The following RPS6KA5 variants were observed in gnomAD, a reference collection of about 807,000 sequenced individuals.
RPS6KA5 encodes ribosomal protein S6 kinase alpha-5.
Under a neutral mutation model 85.5 loss-of-function variants are expected in RPS6KA5, and 27 were observed. The observed-to-expected ratio is 0.32, with a 90% CI of 0.23 to 0.44. The LOEUF (loss-of-function observed/expected upper bound fraction) is 0.44, where lower values mean the gene tolerates loss of function less well. Among genes scored for constraint, RPS6KA5 ranks in the 20% least tolerant of loss-of-function variants. RPS6KA5 has a pLI of 1.00. For synonymous variants in RPS6KA5, 334 were observed against 348.2 expected (o/e 0.96, Z 0.46); for missense variants, 811 against 980.9 (o/e 0.83, Z 2.31).
chr14:90,900,508 G>A (rs1037812533), intron 10 of RPS6KA5, 103 bp downstream of exon 10: 9 of 1,183,544 alleles, frequency 7.6e-6, no homozygotes, highest in African/African-American at 6.3e-5. Context: ...TTTTAAAATT[G>A]CACTTTAGTT....
rs552804337 is a variant in RPS6KA5, at chr14:90,958,261, A to G, written c.395-10711T>C. On this transcript the variant is annotated intron_variant, in intron 3 of 16. Transcript: ENST00000614987. Reference sequence around the variant, plus strand: ...AATCTCTACAAAAAAGTCTGCTTGGATTTTTATTTGGAAAATTTTGCATCC... The same window carrying G: ...AATCTCTACAAAAAAGTCTGCTTGGGTTTTTATTTGGAAAATTTTGCATCC... Among the ~76,000 whole-genome samples the G allele has an allele frequency of 1.3e-4, 20 of 152,290 alleles. No individual in the cohort carries two copies. In the South Asian group the frequency reaches 4.1e-3, roughly 32 times the overall value.
Position 90,849,446 on chromosome 14 carries a change from A to G in RPS6KA5, c.*22628T>C, listed in dbSNP as rs2401921. 44,585 of 151,908 alleles carry G rather than the reference A, an allele frequency of 0.29. 6,693 individuals carry two copies. The highest frequency in any genetic ancestry group is 0.35 in the African/African-American group (14,324 of 41,396). The allele number at this position is 151,908 out of a possible 1,614,324, so 9.4% of individuals were successfully genotyped here. ...TGCCTTGGGCTACTACACAGCTGAT[A>G]TGAGTGGACAGCAAAGAGCTGTGTA... On this transcript the variant is annotated 3_prime_UTR_variant, in exon 17 of 17. Transcript: ENST00000614987.
At chr14:91,011,163 G>C (rs2041239326) in intron 1 of RPS6KA5, among the ~76,000 whole-genome samples, 1 of 152,036 alleles carries the variant, frequency 6.6e-6, no homozygotes, top group South Asian at 2.1e-4. Flanking sequence ...ATAAAAGAAT[G>C]GACAACAAAA....
At chr14:90,914,103 T>C (rs1254750613) in intron 7 of RPS6KA5, among the ~76,000 whole-genome samples, 2 of 152,026 alleles carry the variant, frequency 1.3e-5, no homozygotes, top group Non-Finnish European at 2.9e-5. Flanking sequence ...GAGGCTGACC[T>C]TTTAGACTCT....
At chr14:90,890,814 A>G (rs1467698740) in intron 13 of RPS6KA5, 136 bp from the exon 14 acceptor site, 3 of 646,636 alleles carry the variant, frequency 4.6e-6, no homozygotes, top group East Asian at 5.5e-5. Context: ...CGAGGGCAGG[A>G]CATCAATACA....
At position 90,858,255 on chromosome 14, in the gene RPS6KA5, A is replaced by G. The variant is rs918077804; in HGVS notation, c.*13819T>C. 1.3e-5 allele frequency: 2 copies of G among 152,202 alleles called. No homozygotes were observed. The highest frequency in any genetic ancestry group is 2.9e-5 in the Non-Finnish European group (2 of 68,030). 9.4% of individuals were successfully genotyped at this position (152,202 alleles called of 1,614,324 possible). A position where few individuals can be genotyped will look rare whatever the true frequency, so the allele number is the denominator to read the frequency against. On this transcript the variant is annotated 3_prime_UTR_variant, in exon 17 of 17. Coordinates refer to ENST00000614987, the MANE Select transcript of RPS6KA5 (RefSeq NM_004755.4). The stretch of plus-strand genomic sequence containing the variant: ...AAATAAAATATAAAAACTGTTCTTG[A>G]TGTTATTTCTAAACAGATCTAGTAT...
rs753079235 is a variant in RPS6KA5 at position 90,863,524 on chromosome 14, T to C, written c.*8550A>G. On this transcript the variant is annotated 3_prime_UTR_variant, in exon 17 of 17. Coordinates refer to ENST00000614987, the MANE Select transcript of RPS6KA5 (RefSeq NM_004755.4). ...AAACTGTCATTATTTACAGACGATA[T>C]AACTGTAGACTTAAAGAAATCTAAA... is the stretch of plus-strand genomic sequence containing the variant. The C allele has an allele frequency of 1.3e-5, 2 of 151,700 alleles. No homozygotes were observed. Among genetic ancestry groups the C allele is most frequent in the African/African-American group, 2.4e-5 (1 of 41,380 alleles). The allele number at this position is 151,700 out of a possible 1,614,324, so 9.4% of individuals were successfully genotyped here.
chr14:90,955,336 T>G (rs534215003), intron 3 of RPS6KA5, among the ~76,000 whole-genome samples: 1 of 152,222 alleles, frequency 6.6e-6, no homozygotes. Flanking sequence ...GGTGTGATCA[T>G]AGCTTACTGC....
At chr14:91,000,365 G>A (rs1276283436) in intron 2 of RPS6KA5, among the ~76,000 whole-genome samples, 1 of 151,982 alleles carries the variant, frequency 6.6e-6, no homozygotes, top group Non-Finnish European at 1.5e-5. Context: ...AACAGTCCTG[G>A]GTTTTTCATT....
At chr14:91,047,567 C>A (rs896799767) in intron 1 of RPS6KA5, among the ~76,000 whole-genome samples, 6 of 152,238 alleles carry the variant, frequency 3.9e-5, no homozygotes, top group Non-Finnish European at 8.8e-5. Context: ...ATTCTGTTAT[C>A]ACCCTTAGTC....
intron 2 of RPS6KA5, among the ~76,000 whole-genome samples, chr14:90,994,207 C>CTA (rs2040420821): frequency 6.6e-6 from 1 of 152,098 alleles, no homozygotes; most frequent in African/African-American, 2.4e-5. Context: ...CTCTCATATG[C>CTA]TATCTCTTTT....
rs147703859 is a variant in RPS6KA5 at position 90,996,797 on chromosome 14, T to G, written c.175+4291A>C. 7.2e-3 allele frequency among the ~76,000 whole-genome samples: 1,093 copies of G among 152,292 alleles called. 8 individuals carry two copies. Among genetic ancestry groups the G allele is most frequent in the Middle Eastern group, 0.027 (8 of 294 alleles). On this transcript the variant is annotated intron_variant, in intron 2 of 16. Transcript: ENST00000614987. ...ATTGCAAATAAGAATAGCAATTTGTTTTCAAATTTTCAAGGATCTTTATAG... is the reference window on the plus strand; with the variant it reads ...ATTGCAAATAAGAATAGCAATTTGTGTTCAAATTTTCAAGGATCTTTATAG...
intron 3 of RPS6KA5, among the ~76,000 whole-genome samples, chr14:90,965,595 G>A (rs116356282): frequency 0.011 from 1,681 of 152,230 alleles, 12 homozygotes; most frequent in South Asian, 0.035. Flanking sequence ...TGCAGTTCAC[G>A]AGAGAGGGGT....
chr14:90,991,126 G>A (rs2040289848), intron 2 of RPS6KA5, among the ~76,000 whole-genome samples: 1 of 152,072 alleles, frequency 6.6e-6, no homozygotes, highest in Admixed American at 6.5e-5. Context: ...ATTTGGGCTT[G>A]AATAGTTAAA....
intron 7 of RPS6KA5, among the ~76,000 whole-genome samples, chr14:90,909,152 C>T (rs1321622644): frequency 6.6e-6 from 1 of 152,196 alleles, no homozygotes; most frequent in Non-Finnish European, 1.5e-5. Flanking sequence ...ATGGGCACTG[C>T]AGAAGTGGGG....
At chr14:90,877,778 A>C (rs919495326) in intron 14 of RPS6KA5, among the ~76,000 whole-genome samples, 7 of 152,046 alleles carry the variant, frequency 4.6e-5, no homozygotes, top group African/African-American at 1.4e-4. Flanking sequence ...AGTTTGGGTA[A>C]CTACACCTGG....
chr14:90,971,369 A>G (rs1455331328), intron 3 of RPS6KA5, among the ~76,000 whole-genome samples: 1 of 152,178 alleles, frequency 6.6e-6, no homozygotes, highest in Non-Finnish European at 1.5e-5. Flanking sequence ...ACTACTGCCT[A>G]TGGTCAAAGA....
In RPS6KA5 at chr14:91,048,785, C is replaced by A. The variant is rs183263604; in HGVS notation, c.103+11547G>T. On this transcript the variant is annotated intron_variant, in intron 1 of 16. Coordinates refer to ENST00000614987, the MANE Select transcript of RPS6KA5 (RefSeq NM_004755.4). ...AGATAACTGTGACAACCCCTCCCTC[C>A]CACAGCACTTTAGGATTGACATCTC... is the stretch of plus-strand genomic sequence containing the variant. Among the ~76,000 whole-genome samples the A allele has an allele frequency of 2.2e-3, 330 of 152,256 alleles. 4 individuals carry two copies. The highest frequency in any genetic ancestry group is 7.6e-3 in the African/African-American group (316 of 41,544).
At chr14:91,039,149 A>T (rs780812379) in intron 1 of RPS6KA5, among the ~76,000 whole-genome samples, 8 of 152,088 alleles carry the variant, frequency 5.3e-5, no homozygotes, top group Non-Finnish European at 8.8e-5. Flanking sequence ...TCTAGTCCCA[A>T]TCCCCTGAAG....
Sources: gnomAD v4.1 joint callset for allele counts (sites outside exome capture counted in the v4.1 genomes callset) on GRCh38, gnomAD v4.1.1 for gene constraint, MANE v1.5 for transcripts, NCBI Gene and HGNC (gene_info 2026-07-23, HGNC 2026-07-21) for gene names.